MAF: variants seen among roughly 807,000 people sequenced by gnomAD.
MAF encodes MAF bZIP transcription factor.
A neutral mutation model predicts 22.0 loss-of-function variants in MAF; 10 were observed. The observed-to-expected ratio is 0.45, with a 90% CI of 0.28 to 0.77. The LOEUF (loss-of-function observed/expected upper bound fraction) is 0.77, where lower values mean the gene tolerates loss of function less well. Among genes scored for constraint, MAF ranks in the 30% least tolerant of loss-of-function variants. MAF has a pLI of 0.12. For synonymous variants in MAF, 337 were observed against 255.8 expected, an observed-to-expected ratio of 1.32 and a Z score of -3.03; for missense variants, 544 against 548.4, an observed-to-expected ratio of 0.99 and a Z score of 0.08.
At chr16:79,520,942 A>G in the MAF span, among the ~76,000 whole-genome samples, 1 of 152,122 alleles carries the variant, frequency 6.6e-6, no homozygotes, top group Non-Finnish European at 1.5e-5. Context: ...AGTTACCATC[A>G]CCATATTTTA....
At chr16:79,288,750 G>A in the MAF span, among the ~76,000 whole-genome samples, 1 of 152,142 alleles carries the variant, frequency 6.6e-6, no homozygotes, top group Non-Finnish European at 1.5e-5. Context: ...TGTTTTTTGA[G>A]ATAGGGTCTC....
chr16:79,277,157 C>T, the MAF span, among the ~76,000 whole-genome samples: 1 of 152,188 alleles, frequency 6.6e-6, no homozygotes, highest in South Asian at 2.1e-4. Flanking sequence ...CCTGCCTCAG[C>T]CTCCCAAAAT....
chr16:79,420,304 G>C, the MAF span, among the ~76,000 whole-genome samples: 1 of 152,138 alleles, frequency 6.6e-6, no homozygotes, highest in Admixed American at 6.5e-5. Flanking sequence ...GCCAACGTGG[G>C]ACAGGGCACC....
chr16:79,561,881 A>G, the MAF span, among the ~76,000 whole-genome samples: 1 of 152,178 alleles, frequency 6.6e-6, no homozygotes, highest in Non-Finnish European at 1.5e-5. Flanking sequence ...ATTTATACAG[A>G]AAATATTTGT....
the MAF span, among the ~76,000 whole-genome samples, chr16:79,514,476 C>A: frequency 5.9e-4 from 90 of 152,280 alleles, 1 homozygote; most frequent in East Asian, 0.013. Context: ...GGGGACATCC[C>A]AAATTCCTTG....
At chr16:79,477,703 T>C in the MAF span, among the ~76,000 whole-genome samples, 1 of 152,170 alleles carries the variant, frequency 6.6e-6, no homozygotes, top group Admixed American at 6.5e-5. Context: ...TTGAAATTCA[T>C]TGTGGAATTA....
chr16:79,485,975 A>C, the MAF span, among the ~76,000 whole-genome samples: 2 of 152,252 alleles, frequency 1.3e-5, no homozygotes, highest in Non-Finnish European at 2.9e-5. Flanking sequence ...GCAGACAAAA[A>C]ATCTGGACCA....
At chr16:79,291,319 G>C in the MAF span, among the ~76,000 whole-genome samples, 2 of 152,072 alleles carry the variant, frequency 1.3e-5, no homozygotes, top group Admixed American at 1.3e-4. Context: ...TGGGAGGGAC[G>C]GAGAAGCCAG....
chr16:79,297,620 G>A, the MAF span, among the ~76,000 whole-genome samples: 1 of 152,200 alleles, frequency 6.6e-6, no homozygotes, highest in Admixed American at 6.5e-5. Context: ...CCAACGCGAT[G>A]ATACAGAAAA....
the MAF span, among the ~76,000 whole-genome samples, chr16:79,473,440 C>T: frequency 6.6e-6 from 1 of 152,168 alleles, no homozygotes; most frequent in Admixed American, 6.5e-5. Flanking sequence ...CAATCATAGC[C>T]TCTCATGGGT....
downstream of MAF, among the ~76,000 whole-genome samples, chr16:79,588,919 A>T (rs976872010): frequency 1.3e-5 from 2 of 152,244 alleles, no homozygotes; most frequent in African/African-American, 4.8e-5. Flanking sequence ...ACCTTTTAAC[A>T]GATAAAATCT....
chr16:79,353,202 A>G, the MAF span, among the ~76,000 whole-genome samples: 1 of 151,896 alleles, frequency 6.6e-6, no homozygotes, highest in African/African-American at 2.4e-5. Context: ...GCTCACTGCA[A>G]CCTCTGCCTC....
At chr16:79,473,788 A>G in the MAF span, among the ~76,000 whole-genome samples, 1 of 152,194 alleles carries the variant, frequency 6.6e-6, no homozygotes, top group Admixed American at 6.5e-5. Flanking sequence ...ACACTTAAAG[A>G]TACAGCTGAT....
At chr16:79,213,284 G>A in the MAF span, among the ~76,000 whole-genome samples, 6 of 148,698 alleles carry the variant, frequency 4.0e-5, no homozygotes, top group East Asian at 1.2e-3. Context: ...TGCATCTGTG[G>A]TGCAGAGCAG....
chr16:79,234,363 G>C, the MAF span, among the ~76,000 whole-genome samples: 38 of 152,082 alleles, frequency 2.5e-4, no homozygotes, highest in African/African-American at 8.7e-4. Context: ...TACACACGAT[G>C]ATAGAAGAAA....
the MAF span, among the ~76,000 whole-genome samples, chr16:79,370,258 C>T: frequency 6.6e-6 from 1 of 152,100 alleles, no homozygotes; most frequent in Non-Finnish European, 1.5e-5. Context: ...TTGAGTTATT[C>T]TTTGGGTTGA....
At chr16:79,373,486 G>A in the MAF span, among the ~76,000 whole-genome samples, 1 of 144,172 alleles carries the variant, frequency 6.9e-6, no homozygotes, top group Non-Finnish European at 1.5e-5. Context: ...GGGTTCAAGC[G>A]ACTCTCCTGC....
the MAF span, among the ~76,000 whole-genome samples, chr16:79,398,812 C>T: frequency 1.3e-5 from 2 of 152,178 alleles, no homozygotes; most frequent in African/African-American, 2.4e-5. Flanking sequence ...TACTCAACCC[C>T]AAGACTAGGT....
At chr16:79,234,666 C>T in the MAF span, among the ~76,000 whole-genome samples, 5 of 152,180 alleles carry the variant, frequency 3.3e-5, no homozygotes, top group South Asian at 4.1e-4. Flanking sequence ...ACACCTTTGT[C>T]CTAGCAGAAA....
Sources: allele counts gnomAD v4.1 joint callset (sites outside exome capture counted in the v4.1 genomes callset), GRCh38; gene constraint gnomAD v4.1.1; transcripts MANE v1.5; gene names NCBI Gene and HGNC (gene_info 2026-07-23, HGNC 2026-07-21).